The following DPYD variants were observed in gnomAD, a reference collection of about 807,000 sequenced individuals.
DPYD encodes dihydropyrimidine dehydrogenase [NADP(+)].
In DPYD, 109 loss-of-function variants were observed where a neutral mutation model predicts 116.2. The ratio of observed to expected loss-of-function variants is 0.94; its 90% confidence interval spans 0.80 to 1.10. The LOEUF is 1.10. Ranked by LOEUF, DPYD falls within the 50% of genes least tolerant of loss-of-function variation. DPYD has a pLI of 0.00. For synonymous variants in DPYD, 440 were observed against 432.0 expected (o/e 1.02, Z -0.23); for missense variants, 1,302 against 1,254.5 (o/e 1.04, Z -0.57).
rs1236287352 is a variant in DPYD at position 97,920,892 on chromosome 1, C to T, written c.31G>A (p.Asp11Asn). The T allele has an allele frequency of 6.3e-7, 1 of 1,593,704 alleles. No homozygotes were observed. The highest frequency in any genetic ancestry group is 8.5e-7 in the Non-Finnish European group (1 of 1,170,540). Reference protein sequence around the residue: MAPVLSKDSADIESILALNPR... With the variant: MAPVLSKDSANIESILALNPR... The stretch of plus-strand genomic sequence containing the variant: ...CGGCGCGAAGTCCGTACCTCGATGT[C>T]CGCCGAGTCCTTACTGAGCACAGGG... The change falls in exon 1 of 23, where the codon GAC becomes AAC. Residue 11 changes from aspartate to asparagine, a missense_variant. By Grantham distance (23) the Asp-to-Asn change is conservative (BLOSUM62 1). Coordinates refer to ENST00000370192, the MANE Select transcript of DPYD (RefSeq NM_000110.4).
At chr1:97,488,798 G>A (rs1010460595) in intron 13 of DPYD, among the ~76,000 whole-genome samples, 2 of 152,172 alleles carry the variant, frequency 1.3e-5, no homozygotes, top group East Asian at 1.9e-4. Flanking sequence ...CAATCCAGGA[G>A]TTACCACCCT....
chr1:97,276,245 T>C (rs7525922), intron 18 of DPYD, among the ~76,000 whole-genome samples: 2,241 of 152,204 alleles, frequency 0.015, 25 homozygotes, highest in Non-Finnish European at 0.024. Context: ...TGGTCTTATA[T>C]TTAAATCTTA....
intron 14 of DPYD, among the ~76,000 whole-genome samples, chr1:97,442,553 A>T (rs547693552): frequency 6.6e-6 from 1 of 152,118 alleles, no homozygotes; most frequent in South Asian, 2.1e-4. Flanking sequence ...TGATACCAAG[A>T]AAAGAACTCA....
intron 18 of DPYD, among the ~76,000 whole-genome samples, chr1:97,267,062 G>A (rs1037856759): frequency 6.6e-6 from 1 of 152,100 alleles, no homozygotes; most frequent in Non-Finnish European, 1.5e-5. Flanking sequence ...GGATCACTGG[G>A]TCAAATGGTA....
chr1:97,210,241 C>T (rs779255792), intron 19 of DPYD, among the ~76,000 whole-genome samples: 18 of 152,000 alleles, frequency 1.2e-4, no homozygotes, highest in Non-Finnish European at 2.6e-4. Flanking sequence ...AAATGTAGAG[C>T]GTTTTTTTCC....
At chr1:97,138,481 G>A (rs17116469) in intron 20 of DPYD, among the ~76,000 whole-genome samples, 3,310 of 152,168 alleles carry the variant, frequency 0.022, 59 homozygotes, top group African/African-American at 0.052. Context: ...GAGTTCATCC[G>A]GTTAGAAGTA....
At chr1:97,098,734 A>C in intron 20 of DPYD, 102 bp from the exon 21 acceptor site, 1 of 1,388,490 alleles carries the variant, frequency 7.2e-7, no homozygotes, top group Non-Finnish European at 9.9e-7. Context: ...ATGTGTGTCT[A>C]GGGATTGTTT....
chr1:97,768,212 G>C (rs138596119), intron 3 of DPYD, among the ~76,000 whole-genome samples: 1 of 152,080 alleles, frequency 6.6e-6, no homozygotes, highest in African/African-American at 2.4e-5. Context: ...TAAATACTTG[G>C]AGCCATATAA....
At chr1:97,286,341 C>T (rs1665679588) in intron 18 of DPYD, among the ~76,000 whole-genome samples, 1 of 152,192 alleles carries the variant, frequency 6.6e-6, no homozygotes, top group South Asian at 2.1e-4. Context: ...TTCTCTCTGG[C>T]TGCCCTTAAC....
chr1:97,682,999 T>C (rs1557880534), intron 7 of DPYD, among the ~76,000 whole-genome samples: 1 of 152,044 alleles, frequency 6.6e-6, no homozygotes, highest in African/African-American at 2.4e-5. Context: ...TACTATAATA[T>C]GTATTCATAT....
chr1:97,514,350 T>G (rs2068642), intron 13 of DPYD: 2 of 608,512 alleles, frequency 3.3e-6, no homozygotes, highest in South Asian at 1.5e-4. Context: ...AAACACCTCT[T>G]TTTTTCAGCT....
intron 15 of DPYD, among the ~76,000 whole-genome samples, chr1:97,374,213 C>T (rs1407346262): frequency 6.6e-6 from 1 of 152,112 alleles, no homozygotes; most frequent in Non-Finnish European, 1.5e-5. Flanking sequence ...TACTTAAAAA[C>T]AGTTTGTCTA....
chr1:97,811,545 C>T (rs1000858140), intron 3 of DPYD, among the ~76,000 whole-genome samples: 6 of 152,152 alleles, frequency 3.9e-5, no homozygotes, highest in African/African-American at 1.4e-4. Context: ...AATGTAATAA[C>T]CCCTCTTTCT....
chr1:97,448,887 CAA>C lies in DPYD; in HGVS notation c.1905+1170_1905+1171del, dbSNP rs562340252. Among the ~76,000 whole-genome samples, 412 of 151,990 alleles carry C rather than the reference CAA, an allele frequency of 2.7e-3. 8 individuals are homozygous for C. Among genetic ancestry groups the C allele is most frequent in the Admixed American group, 0.024 (368 of 15,266 alleles). On this transcript the variant is annotated intron_variant, in intron 14 of 22. Coordinates refer to ENST00000370192, the MANE Select transcript of DPYD (RefSeq NM_000110.4). ...TGTCCTATGTGCATGTATTTTATTT[CAA>C]GTTAGTATTTTATTTTATTTCACGT...
chr1:97,423,866 G>A (rs544422697), intron 14 of DPYD, among the ~76,000 whole-genome samples: 2 of 152,160 alleles, frequency 1.3e-5, no homozygotes, highest in African/African-American at 4.8e-5. Context: ...TACAAAATAA[G>A]AAATTAATAT....
At chr1:97,557,308 C>CTTTTTTTTTTTTTTTT (rs796245332) in intron 11 of DPYD, among the ~76,000 whole-genome samples, 3 of 107,158 alleles carry the variant, frequency 2.8e-5, no homozygotes, top group African/African-American at 3.8e-5. Context: ...TTTTTCTTTT[C>CTTTTTTTTTTTTTTTT]TTTTTTTTTT....
chr1:97,266,576 A>G (rs942619701), intron 18 of DPYD, among the ~76,000 whole-genome samples: 1 of 152,102 alleles, frequency 6.6e-6, no homozygotes, highest in Non-Finnish European at 1.5e-5. Context: ...CATGTGCACA[A>G]CGGGCAGGTT....
chr1:97,223,051 T>C (rs1352269984), intron 19 of DPYD, among the ~76,000 whole-genome samples: 1 of 152,064 alleles, frequency 6.6e-6, no homozygotes, highest in Non-Finnish European at 1.5e-5. Flanking sequence ...ATGAAGCCTC[T>C]GTGTATATTA....
At chr1:97,481,889 TTCAC>T (rs1678336037) in intron 13 of DPYD, among the ~76,000 whole-genome samples, 1 of 152,126 alleles carries the variant, frequency 6.6e-6, no homozygotes, top group South Asian at 2.1e-4. Context: ...TGTGTGTTCA[TTCAC>T]ACACACACAT....
Sources: gnomAD v4.1 joint callset for allele counts (sites outside exome capture counted in the v4.1 genomes callset) on GRCh38, gnomAD v4.1.1 for gene constraint, MANE v1.5 for transcripts, NCBI Gene and HGNC (gene_info 2026-07-23, HGNC 2026-07-21) for gene names.